Variants in COL4A5 observed in about 807,000 individuals in gnomAD.
COL4A5 encodes the protein collagen type IV alpha 5 chain.
In COL4A5, 26 loss-of-function variants were observed where a neutral mutation model predicts 130.2. The observed-to-expected ratio is 0.20, with a 90% CI of 0.15 to 0.28. The LOEUF is 0.28. COL4A5 is among the 10% of genes least tolerant of loss of function. The pLI is 1.00. For synonymous variants in COL4A5, 496 were observed against 439.6 expected, an observed-to-expected ratio of 1.13 and a Z score of -1.60; for missense variants, 1,131 against 1,344.3, an observed-to-expected ratio of 0.84 and a Z score of 2.48.
intron 37 of COL4A5, among the ~76,000 whole-genome samples, chrX:108,661,409 A>C (rs903107629): frequency 1.8e-5 from 2 of 111,860 alleles, no homozygotes; most frequent in African/African-American, 6.5e-5. Context: ...CGCCACAAAA[A>C]TTTTAATTTC....
intron 4 of COL4A5, among the ~76,000 whole-genome samples, chrX:108,565,503 A>G (rs748139022): frequency 8.9e-6 from 1 of 112,076 alleles, no homozygotes; most frequent in Non-Finnish European, 1.9e-5. Flanking sequence ...CAACTAAACC[A>G]TCATCATACC....
At chrX:108,639,785 G>C (rs1321858886) in intron 36 of COL4A5, among the ~76,000 whole-genome samples, 1 of 112,079 alleles carries the variant, frequency 8.9e-6, no homozygotes, top group East Asian at 2.8e-4. Context: ...TACATGAAAA[G>C]ATGGTCAACA....
intron 42 of COL4A5, among the ~76,000 whole-genome samples, chrX:108,673,456 G>C (rs1013731273): frequency 3.6e-5 from 4 of 110,655 alleles, no homozygotes; most frequent in African/African-American, 9.9e-5. Flanking sequence ...ACTAACCAAG[G>C]GGTGCTCTAT....
intron 2 of COL4A5, among the ~76,000 whole-genome samples, chrX:108,545,363 T>A (rs1248823629): frequency 8.9e-6 from 1 of 112,019 alleles, no homozygotes; most frequent in Non-Finnish European, 1.9e-5. Flanking sequence ...CATTTCCTTA[T>A]GTACCCAGTA....
At chrX:108,625,605 C>G in intron 34 of COL4A5, 100 bp from the exon 35 acceptor site, 1 of 543,448 alleles carries the variant, frequency 1.8e-6, no homozygotes, top group Non-Finnish European at 3.3e-6. Flanking sequence ...TTTAATCCAT[C>G]TAATCCCATG....
In COL4A5 at chrX:108,613,624, A is replaced by G. The variant is rs2066875298; in HGVS notation, c.2396-1287A>G. On this transcript the variant is annotated intron_variant, in intron 29 of 52. Transcript: ENST00000328300. Reference sequence around the variant, plus strand: ...ATATAGTTGGAAAAATGAGCAAACAATTTGAGTAGATACCTTACCAAAGAA... The same window carrying G: ...ATATAGTTGGAAAAATGAGCAAACAGTTTGAGTAGATACCTTACCAAAGAA... Among the ~76,000 whole-genome samples, 3 of 112,081 alleles carry G rather than the reference A, an allele frequency of 2.7e-5. No individual in the cohort carries two copies. The Admixed American group carries it at 2.8e-4, about 11-fold the overall frequency.
At chrX:108,650,629 G>C (rs758770596) in intron 36 of COL4A5, among the ~76,000 whole-genome samples, 1 of 110,732 alleles carries the variant, frequency 9.0e-6, no homozygotes, top group South Asian at 3.8e-4. Context: ...CATTTGCAGC[G>C]ACCCGGATGA....
chrX:108,546,937 C>T (rs980298020), intron 2 of COL4A5, among the ~76,000 whole-genome samples: 7 of 112,267 alleles, frequency 6.2e-5, no homozygotes, highest in East Asian at 2.8e-4. Flanking sequence ...ACGTAGTTCT[C>T]GTGCCATGGT....
chrX:108,643,094 C>T (rs1756203297), intron 36 of COL4A5, among the ~76,000 whole-genome samples: 1 of 111,263 alleles, frequency 9.0e-6, no homozygotes, highest in South Asian at 3.7e-4. Flanking sequence ...ACAATGAACA[C>T]ACTTATAGAA....
chrX:108,650,863 C>T (rs1386138646), intron 36 of COL4A5, among the ~76,000 whole-genome samples: 1 of 109,888 alleles, frequency 9.1e-6, no homozygotes, highest in Non-Finnish European at 1.9e-5. Context: ...CAAAATCTCA[C>T]AAATCACCAC....
At chrX:108,506,341 C>CATCT (rs59216072) in intron 1 of COL4A5, among the ~76,000 whole-genome samples, 985 of 98,070 alleles carry the variant, frequency 0.01, 5 homozygotes, top group African/African-American at 0.014. Context: ...TTTATTCTAT[C>CATCT]ATCTATCTAT....
intron 29 of COL4A5, among the ~76,000 whole-genome samples, chrX:108,609,969 TA>T (rs78482851): frequency 2.3e-3 from 231 of 98,595 alleles, no homozygotes; most frequent in Middle Eastern, 0.01. Context: ...ACTTTATTCT[TA>T]AAAAAAAAAA....
intron 1 of COL4A5, among the ~76,000 whole-genome samples, chrX:108,535,510 A>G (rs922625918): frequency 3.6e-5 from 4 of 111,302 alleles, no homozygotes; most frequent in African/African-American, 1.3e-4. Context: ...ATGCAGTCAG[A>G]GTCCACTCAG....
intron 1 of COL4A5, among the ~76,000 whole-genome samples, chrX:108,463,949 A>G (rs758491135): frequency 8.9e-6 from 1 of 112,018 alleles, no homozygotes; most frequent in South Asian, 3.8e-4. Flanking sequence ...TTTAATAGCT[A>G]GCTCTAACGT....
chrX:108,686,693 TAAA>T (rs2068551726), intron 48 of COL4A5, among the ~76,000 whole-genome samples: 1 of 112,051 alleles, frequency 8.9e-6, no homozygotes. Flanking sequence ...CAACTTGAAA[TAAA>T]AAATACTTTA....
chrX:108,663,743 T>TA (rs59197492), intron 37 of COL4A5, among the ~76,000 whole-genome samples: 110 of 96,978 alleles, frequency 1.1e-3, no homozygotes, highest in South Asian at 0.01. Flanking sequence ...GAACTTAAAA[T>TA]AAAAAAAAAA....
rs754130339 is a variant in COL4A5 at position 108,596,979 on chromosome X, TTG to T, written c.1517-5_1517-4del. 2.4e-4 allele frequency: 267 copies of T among 1,113,849 alleles called. No individual in the cohort carries two copies. The highest frequency in any genetic ancestry group is 2.8e-4 in the Non-Finnish European group (232 of 826,636). The allele number at this position is 1,113,849 out of a possible 1,213,427, so 91.8% of individuals were successfully genotyped here. A position where few individuals can be genotyped will look rare whatever the true frequency, so the allele number is the denominator to read the frequency against. ...CGTTATTGTGTGTGTGTGTGTTTGT[TTG>T]TGTGTGTGTGTGTTAGGATCTCTTG... On this transcript the variant is annotated splice_polypyrimidine_tract_variant and intron_variant, in intron 22 of 52. Transcript: ENST00000328300.
chrX:108,507,254 A>G (rs868850832), intron 1 of COL4A5, among the ~76,000 whole-genome samples: 147 of 106,231 alleles, frequency 1.4e-3, no homozygotes, highest in African/African-American at 5.0e-3. Context: ...CAACAAAAAA[A>G]AAAAAAAGAA....
intron 38 of COL4A5, among the ~76,000 whole-genome samples, chrX:108,666,283 A>G (rs138935758): frequency 9.0e-4 from 101 of 111,910 alleles, no homozygotes; most frequent in Middle Eastern, 9.1e-3. Context: ...GATATTCTGA[A>G]ACTATATTAA....
Sources: allele counts gnomAD v4.1 joint callset (sites outside exome capture counted in the v4.1 genomes callset), GRCh38; gene constraint gnomAD v4.1.1; transcripts MANE v1.5; gene names NCBI Gene and HGNC (gene_info 2026-07-23, HGNC 2026-07-21).